The following DLG2 variants were observed in gnomAD, a reference collection of about 807,000 sequenced individuals.
The protein encoded by DLG2 is discs large MAGUK scaffold protein 2, also known as disks large homolog 2.
A neutral mutation model predicts 132.5 loss-of-function variants in DLG2; 45 were observed. The ratio of observed to expected loss-of-function variants is 0.34; its 90% CI spans 0.27 to 0.44. The LOEUF is 0.44. Among genes scored for constraint, DLG2 ranks in the 20% least tolerant of loss-of-function variants. The probability of loss-of-function intolerance (pLI) is 1.00; values close to 1 mark genes in which losing one functional copy is unlikely to be tolerated. For synonymous variants in DLG2, 424 were observed against 419.6 expected (o/e 1.01, Z -0.13); for missense variants, 1,045 against 1,196.9 (o/e 0.87, Z 1.87).
At chr11:83,884,522 A>G (rs892906949) in intron 15 of DLG2, among the ~76,000 whole-genome samples, 62 of 152,340 alleles carry the variant, frequency 4.1e-4, no homozygotes, top group Admixed American at 4.6e-4. Context: ...GGCAGGGCAC[A>G]GACAAACAAA....
At chr11:85,599,330 T>C (rs2079991458) in intron 2 of DLG2, among the ~76,000 whole-genome samples, 1 of 151,600 alleles carries the variant, frequency 6.6e-6, no homozygotes, top group African/African-American at 2.4e-5. Context: ...ACACTTGCTC[T>C]CTCCCCCACC....
chr11:84,199,638 T>C (rs951668378), intron 8 of DLG2, among the ~76,000 whole-genome samples: 1 of 151,932 alleles, frequency 6.6e-6, no homozygotes. Flanking sequence ...ATTGTAGATA[T>C]GAAAAATACA....
At chr11:84,379,780 T>TAAA (rs557695623) in intron 7 of DLG2, among the ~76,000 whole-genome samples, 4 of 143,402 alleles carry the variant, frequency 2.8e-5, no homozygotes, top group African/African-American at 1.0e-4. Flanking sequence ...GAGGTATTAC[T>TAAA]AAAAAAAAAA....
chr11:83,681,270 T>C (rs2078748524), intron 18 of DLG2, among the ~76,000 whole-genome samples: 1 of 152,138 alleles, frequency 6.6e-6, no homozygotes, highest in African/African-American at 2.4e-5. Flanking sequence ...TCACTTCTCT[T>C]TCCTTCTGAA....
intron 6 of DLG2, among the ~76,000 whole-genome samples, chr11:84,617,930 G>A (rs191200963): frequency 6.6e-6 from 1 of 152,056 alleles, no homozygotes; most frequent in South Asian, 2.1e-4. Flanking sequence ...AAGTAATGCA[G>A]TGTTGTAAAG....
intron 3 of DLG2, among the ~76,000 whole-genome samples, chr11:85,305,893 A>AGG (rs2079910932): frequency 6.6e-6 from 1 of 152,178 alleles, no homozygotes; most frequent in African/African-American, 2.4e-5. Flanking sequence ...CTTAGTATAT[A>AGG]TCTAACTCCT....
chr11:85,175,347 A>G (rs1292304253), intron 4 of DLG2, among the ~76,000 whole-genome samples: 1 of 149,410 alleles, frequency 6.7e-6, no homozygotes, highest in Non-Finnish European at 1.5e-5. Flanking sequence ...TTCATCACAT[A>G]AACAGAACTA....
intron 14 of DLG2, among the ~76,000 whole-genome samples, chr11:83,955,594 C>G (rs1265952001): frequency 6.6e-6 from 1 of 152,172 alleles, no homozygotes. Flanking sequence ...TCAAATGTTG[C>G]CTTTTCCAAA....
At chr11:85,498,978 A>G (rs948535303) in intron 3 of DLG2, among the ~76,000 whole-genome samples, 1 of 152,230 alleles carries the variant, frequency 6.6e-6, no homozygotes, top group African/African-American at 2.4e-5. Flanking sequence ...AATGCCCACA[A>G]GAGAAAGCTG....
At chr11:85,048,483 C>T (rs1263522925) in intron 6 of DLG2, among the ~76,000 whole-genome samples, 1 of 151,946 alleles carries the variant, frequency 6.6e-6, no homozygotes, top group Non-Finnish European at 1.5e-5. Context: ...AATCTGCAAT[C>T]ATACATTGTC....
intron 3 of DLG2, among the ~76,000 whole-genome samples, chr11:85,319,230 T>C (rs2080888520): frequency 6.6e-6 from 1 of 151,606 alleles, no homozygotes; most frequent in African/African-American, 2.4e-5. Context: ...TTAGAAACAA[T>C]AAAAAAAATT....
chr11:83,593,368 A>T (rs1294197446), intron 19 of DLG2, among the ~76,000 whole-genome samples: 5 of 151,600 alleles, frequency 3.3e-5, no homozygotes, highest in Non-Finnish European at 4.4e-5. Context: ...ATTGGAAATC[A>T]TCATTCTCAG....
intron 3 of DLG2, among the ~76,000 whole-genome samples, chr11:85,414,257 A>C (rs2089612888): frequency 6.6e-6 from 1 of 152,046 alleles, no homozygotes; most frequent in African/African-American, 2.4e-5. Context: ...TTGTTTTCTG[A>C]AACTTTGCTA....
chr11:84,970,184 A>C (rs1035035012), intron 6 of DLG2, among the ~76,000 whole-genome samples: 5 of 152,170 alleles, frequency 3.3e-5, no homozygotes, highest in African/African-American at 9.7e-5. Flanking sequence ...AAAGGAAAAA[A>C]GAAATATACC....
At chr11:85,353,890 T>C (rs921770583) in intron 3 of DLG2, among the ~76,000 whole-genome samples, 3 of 151,506 alleles carry the variant, frequency 2.0e-5, no homozygotes, top group Non-Finnish European at 2.9e-5. Flanking sequence ...CTAACGTAAA[T>C]GATGAGTTAA....
intron 6 of DLG2, among the ~76,000 whole-genome samples, chr11:84,958,966 T>A (rs2052117421): frequency 6.6e-6 from 1 of 152,174 alleles, no homozygotes; most frequent in South Asian, 2.1e-4. Context: ...ACACACTTCT[T>A]AGACTTGATT....
At chr11:85,419,155 G>C (rs2090099054) in intron 3 of DLG2, among the ~76,000 whole-genome samples, 1 of 152,096 alleles carries the variant, frequency 6.6e-6, no homozygotes, top group African/African-American at 2.4e-5. Flanking sequence ...ATGTGTGTAA[G>C]AAATTCTATT....
At chr11:85,120,217 T>C (rs895219250) in intron 5 of DLG2, among the ~76,000 whole-genome samples, 23 of 152,206 alleles carry the variant, frequency 1.5e-4, no homozygotes, top group African/African-American at 4.3e-4. Context: ...CCTATGAATA[T>C]GTATTTTGGG....
At position 84,009,719 on chromosome 11, in the gene DLG2, C is replaced by A. The variant is rs1348544526; in HGVS notation, c.920-29077G>T. On this transcript the variant is annotated intron_variant, in intron 11 of 27. Coordinates refer to ENST00000376104, the MANE Select transcript of DLG2 (RefSeq NM_001142699.3). ...GAGAAAATAATATTGAATGAGATAA[C>A]AATATTAAATGAGGGACAATAATGA... Among the ~76,000 whole-genome samples, 4 of 151,786 alleles carry A rather than the reference C, an allele frequency of 2.6e-5. 1 individual carries two copies. Among genetic ancestry groups the A allele is most frequent in the Admixed American group, 2.0e-4 (3 of 15,208 alleles).
Sources: allele counts gnomAD v4.1 joint callset (sites outside exome capture counted in the v4.1 genomes callset), GRCh38; gene constraint gnomAD v4.1.1; transcripts MANE v1.5; gene names NCBI Gene and HGNC (gene_info 2026-07-23, HGNC 2026-07-21).